Variants in CLVS1 observed in about 807,000 individuals in gnomAD.
CLVS1 encodes clavesin 1.
Under a neutral mutation model 33.1 loss-of-function variants are expected in CLVS1, and 10 were observed. The ratio of observed to expected loss-of-function variants is 0.30; its 90% CI spans 0.19 to 0.51. The LOEUF is 0.51. Among genes scored for constraint, CLVS1 ranks in the 20% least tolerant of loss-of-function variants. The probability of loss-of-function intolerance (pLI) is 0.97; values close to 1 mark genes in which losing one functional copy is unlikely to be tolerated. For synonymous variants in CLVS1, 163 were observed against 166.1 expected (o/e 0.98, Z 0.14); for missense variants, 343 against 433.4 (o/e 0.79, Z 1.85).
intron 2 of CLVS1, among the ~76,000 whole-genome samples, chr8:61,210,421 A>G (rs1464519615): frequency 6.6e-6 from 1 of 152,202 alleles, no homozygotes; most frequent in African/African-American, 2.4e-5. Flanking sequence ...ACCCAGTCTC[A>G]GGTGTTTTGT....
At chr8:61,238,744 T>C (rs1294348231) in intron 2 of CLVS1, among the ~76,000 whole-genome samples, 2 of 152,258 alleles carry the variant, frequency 1.3e-5, no homozygotes, top group Non-Finnish European at 2.9e-5. Flanking sequence ...TGCTATTAAA[T>C]ATTCTTTAAG....
chr8:61,404,431 T>G (rs572107503), intron 3 of CLVS1, among the ~76,000 whole-genome samples: 1 of 152,342 alleles, frequency 6.6e-6, no homozygotes, highest in South Asian at 2.1e-4. Context: ...CTTGATCATA[T>G]TTTCATTTCA....
intron 1 of CLVS1, among the ~76,000 whole-genome samples, chr8:61,113,822 G>T (rs571005829): frequency 6.6e-6 from 1 of 152,278 alleles, no homozygotes; most frequent in South Asian, 2.1e-4. Context: ...TGTAGAGACG[G>T]GGTGCCACTG....
intron 3 of CLVS1, among the ~76,000 whole-genome samples, chr8:61,380,094 G>A (rs1438067646): frequency 2.6e-5 from 4 of 152,112 alleles, no homozygotes; most frequent in African/African-American, 9.7e-5. Flanking sequence ...CTATTATTCT[G>A]AATCAGGATA....
intron 1 of CLVS1, among the ~76,000 whole-genome samples, chr8:61,116,230 T>C (rs985390128): frequency 5.9e-5 from 9 of 152,010 alleles, no homozygotes; most frequent in African/African-American, 2.2e-4. Flanking sequence ...TGTTTGTTTT[T>C]TTCTTGTAAA....
chr8:61,323,858 C>A (rs1386178599), intron 2 of CLVS1, among the ~76,000 whole-genome samples: 1 of 152,070 alleles, frequency 6.6e-6, no homozygotes, highest in Non-Finnish European at 1.5e-5. Context: ...CTCTACGTGT[C>A]TATAAGCTCC....
At chr8:61,465,906 A>T (rs1026761618) in intron 5 of CLVS1, 4 of 152,146 alleles carry the variant, frequency 2.6e-5, no homozygotes, top group Admixed American at 6.5e-5. Flanking sequence ...CTCATGATCC[A>T]CCTGCCACAG....
the CLVS1 span, among the ~76,000 whole-genome samples, chr8:61,020,541 C>T: frequency 5.9e-5 from 9 of 152,320 alleles, no homozygotes; most frequent in East Asian, 7.7e-4. Flanking sequence ...TGGCCAAGCA[C>T]GTGGCACTTT....
chr8:61,245,908 C>T (rs954979588), intron 2 of CLVS1, among the ~76,000 whole-genome samples: 3 of 151,362 alleles, frequency 2.0e-5, no homozygotes, highest in Non-Finnish European at 1.5e-5. Context: ...GCTGGGACTA[C>T]AGATATGTAC....
At chr8:61,312,948 T>C (rs984886881) in intron 2 of CLVS1, among the ~76,000 whole-genome samples, 6 of 152,192 alleles carry the variant, frequency 3.9e-5, no homozygotes, top group African/African-American at 1.4e-4. Flanking sequence ...CTCTTTGCCA[T>C]ACATTTTGGC....
intron 1 of CLVS1, among the ~76,000 whole-genome samples, chr8:61,110,976 T>C (rs562742433): frequency 6.6e-6 from 1 of 152,336 alleles, no homozygotes; most frequent in East Asian, 1.9e-4. Context: ...TCTTGGCTAT[T>C]GTGGATAATG....
chr8:61,062,057 C>A (rs576871111), intron 1 of CLVS1, among the ~76,000 whole-genome samples: 104 of 152,192 alleles, frequency 6.8e-4, no homozygotes, highest in Middle Eastern at 3.4e-3. Flanking sequence ...CATTGTGCCT[C>A]GTTGCTTCTG....
intron 2 of CLVS1, among the ~76,000 whole-genome samples, chr8:61,168,286 C>A (rs978226683): frequency 6.6e-6 from 1 of 152,200 alleles, no homozygotes; most frequent in Non-Finnish European, 1.5e-5. Context: ...ATGGTGACTC[C>A]TTGCCCTAGC....
the CLVS1 span, among the ~76,000 whole-genome samples, chr8:61,020,393 A>G: frequency 6.6e-6 from 1 of 152,222 alleles, no homozygotes; most frequent in African/African-American, 2.4e-5. Flanking sequence ...ATGATCAGCA[A>G]TAGGCTGAAA....
intron 2 of CLVS1, among the ~76,000 whole-genome samples, chr8:61,178,284 G>A (rs1358322247): frequency 6.6e-6 from 1 of 152,076 alleles, no homozygotes; most frequent in Admixed American, 6.6e-5. Flanking sequence ...AAAGCAGGCA[G>A]ACAAAATTAG....
At chr8:61,454,393 A>G in intron 4 of CLVS1, 142 bp downstream of exon 4, 1 of 673,118 alleles carries the variant, frequency 1.5e-6, no homozygotes, top group Non-Finnish European at 2.6e-6. Context: ...GCCCCTAAGC[A>G]TTTAAGCCTC....
chr8:61,069,319 G>A (rs1412937344), intron 1 of CLVS1, among the ~76,000 whole-genome samples: 1 of 152,140 alleles, frequency 6.6e-6, no homozygotes, highest in Non-Finnish European at 1.5e-5. Flanking sequence ...CACCAGCTCC[G>A]ACTTCCTCGC....
intron 2 of CLVS1, among the ~76,000 whole-genome samples, chr8:61,255,905 A>G (rs1205566492): frequency 6.6e-6 from 1 of 152,238 alleles, no homozygotes; most frequent in Non-Finnish European, 1.5e-5. Context: ...ATTACATATT[A>G]GTGCTTTGAA....
At chr8:61,168,106 G>C (rs1806916837) in intron 2 of CLVS1, among the ~76,000 whole-genome samples, 1 of 152,146 alleles carries the variant, frequency 6.6e-6, no homozygotes, top group Non-Finnish European at 1.5e-5. Flanking sequence ...TTGGGGTTTG[G>C]ATCGGGACCC....
Sources: allele counts gnomAD v4.1 joint callset (sites outside exome capture counted in the v4.1 genomes callset), GRCh38; gene constraint gnomAD v4.1.1; transcripts MANE v1.5; gene names NCBI Gene and HGNC (gene_info 2026-07-23, HGNC 2026-07-21).